The following PSMD6 variants were observed in gnomAD, a reference collection of about 807,000 sequenced individuals.
PSMD6 encodes the protein proteasome 26S subunit, non-ATPase 6.
In PSMD6, 7 loss-of-function variants were observed where a neutral mutation model predicts 44.9. That is an observed-to-expected ratio of 0.16 (90% confidence interval 0.09 to 0.29). The LOEUF is 0.29. Ranked by LOEUF, PSMD6 falls within the 10% of genes least tolerant of loss-of-function variation. PSMD6 has a pLI of 1.00. For missense variants in PSMD6, 420 were observed against 482.6 expected, an observed-to-expected ratio of 0.87 and a Z score of 1.21; for synonymous variants, 184 against 172.7, an observed-to-expected ratio of 1.07 and a Z score of -0.51.
At chr3:64,013,729 G>T (rs2075999043) in intron 5 of PSMD6, 122 bp from the exon 6 acceptor site, 8 of 849,942 alleles carry the variant, frequency 9.4e-6, no homozygotes. Context: ...ATTTCTCACT[G>T]CCCTTCCACA....
intron 6 of PSMD6, 31 bp downstream of exon 6, chr3:64,013,408 C>CT (rs754628946): frequency 6.6e-7 from 1 of 1,506,376 alleles, no homozygotes; most frequent in South Asian, 1.3e-5. Flanking sequence ...AACTTTAAAA[C>CT]TTCAATTAAC....
At chr3:64,020,257 G>A (rs555091733) in intron 2 of PSMD6, among the ~76,000 whole-genome samples, 2 of 152,186 alleles carry the variant, frequency 1.3e-5, no homozygotes, top group South Asian at 2.1e-4. Flanking sequence ...ACTCTCATCA[G>A]TGGTAACAGT....
At chr3:64,011,507 AAAAAGAAT>A (rs1333995521) in intron 6 of PSMD6, 2 of 149,086 alleles carry the variant, frequency 1.3e-5, no homozygotes, top group African/African-American at 5.2e-5. Flanking sequence ...TAAGGGAGAA[AAAAAGAAT>A]AAAGAATCCA....
intron 5 of PSMD6, 123 bp downstream of exon 5, chr3:64,018,476 A>G: frequency 1.4e-6 from 1 of 706,118 alleles, no homozygotes; most frequent in Non-Finnish European, 2.3e-6. Flanking sequence ...ATACTGATCA[A>G]AGACATGCAG....
At chr3:64,018,335 C>A in intron 5 of PSMD6, 1 of 298,248 alleles carries the variant, frequency 3.4e-6, no homozygotes, top group Non-Finnish European at 6.4e-6. Flanking sequence ...TTGCAAGCTA[C>A]ATAGCTCTCC....
rs746769441 is a variant in PSMD6, at chr3:64,013,461, C to T, written c.973G>A (p.Val325Ile). The stretch of plus-strand genomic sequence containing the variant: ...TACTGATCAATGAATTCCACACCAA[C>T]ACCAAACGCTTCTGCCATATAGCCA... ...TLGYMAEAFG[V>I]GVEFIDQELS... Residue 325 changes from valine (V) to isoleucine (I), a missense_variant, in exon 6 of 8, where the codon GTT (valine) becomes ATT (isoleucine). Val to Ile is a conservative substitution (Grantham distance 29). Coordinates refer to ENST00000295901, the MANE Select transcript of PSMD6 (RefSeq NM_014814.3). 4 of 1,590,082 alleles carry T rather than the reference C, an allele frequency of 2.5e-6. No homozygotes were observed. The highest frequency in any genetic ancestry group is 1.7e-4 in the Middle Eastern group (1 of 5,950).
intron 1 of PSMD6, 166 bp downstream of exon 1, chr3:64,023,109 G>A (rs1226263347): frequency 2.1e-6 from 3 of 1,426,390 alleles, no homozygotes; most frequent in African/African-American, 2.9e-5. Flanking sequence ...GTCCCCCAGG[G>A]TATCCCCAAA....
At chr3:64,021,832 CAA>C (rs35628694) in intron 2 of PSMD6, among the ~76,000 whole-genome samples, 2 of 151,238 alleles carry the variant, frequency 1.3e-5, no homozygotes, top group African/African-American at 4.9e-5. Context: ...AAAAAATTAC[CAA>C]AAAGTTTGCA....
intron 5 of PSMD6, chr3:64,017,454 G>A (rs2076063851): frequency 6.6e-6 from 1 of 152,148 alleles, no homozygotes; most frequent in African/African-American, 2.4e-5. Flanking sequence ...AGAGAAGTAA[G>A]ATTTGTTCTG....
At chr3:64,022,924 C>T (rs2076156111) in intron 1 of PSMD6, 2 of 1,458,166 alleles carry the variant, frequency 1.4e-6, no homozygotes. Flanking sequence ...GCAAGCTGAA[C>T]TCTCCCACAG....
intron 5 of PSMD6, chr3:64,014,928 G>C (rs1459323825): frequency 6.6e-6 from 1 of 152,262 alleles, no homozygotes; most frequent in Non-Finnish European, 1.5e-5. Flanking sequence ...GACACTGAGA[G>C]GTCTAACAGT....
At chr3:64,013,712 G>C (rs2075998716) in intron 5 of PSMD6, 105 bp from the exon 6 acceptor site, 1 of 1,054,788 alleles carries the variant, frequency 9.5e-7, no homozygotes, top group Middle Eastern at 2.6e-4. Flanking sequence ...AGATGAACAA[G>C]TATCAAATTT....
chr3:64,023,075 C>G, intron 1 of PSMD6, 200 bp downstream of exon 1: 1 of 1,428,382 alleles, frequency 7.0e-7, no homozygotes, highest in Non-Finnish European at 9.1e-7. Flanking sequence ...CAGAGAGATG[C>G]AGACCCCGCT....
rs754447538 is a variant in PSMD6 at position 64,022,642 on chromosome 3, C to A, written c.146-119G>T. ...CATCCACCAGTCTCTTCCCCACTAA[C>A]AGGAAGGCATGCGATGGCGCTTAAT... On this transcript the variant is annotated intron_variant, in intron 1 of 7. Coordinates refer to ENST00000295901, the MANE Select transcript of PSMD6 (RefSeq NM_014814.3). 2.0e-5 allele frequency: 32 copies of A among 1,562,004 alleles called. No individual in the cohort carries two copies. Among genetic ancestry groups the A allele is most frequent in the Non-Finnish European group, 2.6e-5 (30 of 1,156,182 alleles).
chr3:64,022,457 T>G lies in PSMD6; in HGVS notation c.212A>C (p.Asn71Thr). 1 of 1,614,198 alleles carries G rather than the reference T, an allele frequency of 6.2e-7. No individual in the cohort carries two copies. The highest frequency in any genetic ancestry group is 8.5e-7 in the Non-Finnish European group (1 of 1,179,996). ...LDWQIDVDLL[N>T]KMKKANEDEL... ...ATCTTCATTTGCCTTCTTCATTTTA[T>G]TGAGTAGGTCCACGTCTATCTGCCA... The change falls in exon 2 of 8, where the codon AAT becomes ACT. Residue 71 changes from asparagine (N) to threonine (T), a missense_variant. This residue lies in a region of PSMD6 where 136 missense variants were observed against 124.2 expected (regional missense o/e 1.09). Transcript: ENST00000295901.
Position 64,018,102 on chromosome 3 carries a change from G to A in PSMD6, c.826+497C>T, listed in dbSNP as rs1326554086. ...AAAATGATTTGCAAATCAGCACAGAGATTTAGCTATTTAGCTATTGATACA... is the reference window on the plus strand; with the variant it reads ...AAAATGATTTGCAAATCAGCACAGAAATTTAGCTATTTAGCTATTGATACA... On this transcript the variant is annotated intron_variant, in intron 5 of 7. Transcript: ENST00000295901. Among the ~76,000 whole-genome samples, 5 of 152,306 alleles carry A rather than the reference G, an allele frequency of 3.3e-5. No homozygotes were observed. In the East Asian group the frequency reaches 7.7e-4, roughly 23 times the overall value.
At chr3:64,013,773 T>C in intron 5 of PSMD6, 166 bp from the exon 6 acceptor site, 1 of 552,176 alleles carries the variant, frequency 1.8e-6, no homozygotes. Context: ...ACAGCAGTGA[T>C]AAAGGAGGGG....
chr3:64,011,533 C>CCAGATTT (rs1325920494), intron 6 of PSMD6: 1 of 150,210 alleles, frequency 6.7e-6, no homozygotes, highest in Non-Finnish European at 1.5e-5. Context: ...CCATGACAAC[C>CCAGATTT]CAGATTTGAA....
rs746586653 is a variant in PSMD6, at chr3:64,018,693, T to G, written c.732A>C (p.Ala244=). The change falls in exon 5 of 8, where the codon GCA becomes GCC. Residue 244 remains alanine, a synonymous_variant. Transcript: ENST00000295901. The part of the protein sequence containing the change: ...PDLREKVIKG[A]EILEVLHSLP... Reference sequence around the variant, plus strand: ...GACTGTGCAACACTTCAAGAATCTCTGCTCCTTTAATGACCTAGGTATTTT... The same window carrying G: ...GACTGTGCAACACTTCAAGAATCTCGGCTCCTTTAATGACCTAGGTATTTT... 2 of 1,599,808 alleles carry G rather than the reference T, an allele frequency of 1.3e-6. No homozygotes were observed. The highest frequency in any genetic ancestry group is 1.7e-6 in the Non-Finnish European group (2 of 1,167,712).
Sources: gnomAD v4.1 joint callset for allele counts (sites outside exome capture counted in the v4.1 genomes callset) on GRCh38, gnomAD v4.1.1 for gene constraint, gnomAD v4.1.1 regional missense constraint, MANE v1.5 for transcripts, NCBI Gene and HGNC (gene_info 2026-07-23, HGNC 2026-07-21) for gene names.